HMCN1: variants seen among roughly 807,000 people sequenced by gnomAD.
HMCN1 encodes the protein hemicentin-1.
In HMCN1, 321 loss-of-function variants were observed where a neutral mutation model predicts 625.9. That is an observed-to-expected ratio of 0.51 (90% confidence interval 0.47 to 0.56). HMCN1 has a LOEUF of 0.56. HMCN1 is among the 20% of genes least tolerant of loss of function. The probability of loss-of-function intolerance (pLI) is 0.00; values close to 1 mark genes in which losing one functional copy is unlikely to be tolerated. For missense variants in HMCN1, 6,588 were observed against 6,887.3 expected (o/e 0.96, Z 1.54); for synonymous variants, 2,425 against 2,417.6 (o/e 1.00, Z -0.09).
intron 97 of HMCN1, among the ~76,000 whole-genome samples, chr1:186,161,657 T>TTTTA (rs919900173): frequency 6.6e-6 from 1 of 152,080 alleles, no homozygotes; most frequent in African/African-American, 2.4e-5. Context: ...CTGTAAAGTG[T>TTTTA]TTTATTTCTC....
intron 4 of HMCN1, among the ~76,000 whole-genome samples, chr1:185,870,024 T>A (rs1413827271): frequency 3.3e-5 from 5 of 150,962 alleles, no homozygotes; most frequent in Non-Finnish European, 5.9e-5. Flanking sequence ...GCGTTCTGTT[T>A]TTTTTTTTTT....
chr1:185,802,873 T>A (rs1261784293), intron 1 of HMCN1, among the ~76,000 whole-genome samples: 1 of 152,020 alleles, frequency 6.6e-6, no homozygotes, highest in Non-Finnish European at 1.5e-5. Flanking sequence ...TGAAAGAGAA[T>A]AAGGGGAACA....
chr1:185,979,383 GAAAC>G (rs547225360), intron 16 of HMCN1, among the ~76,000 whole-genome samples: 2 of 152,098 alleles, frequency 1.3e-5, no homozygotes, highest in African/African-American at 2.4e-5. Flanking sequence ...GTGATGATGA[GAAAC>G]AACCCAGATG....
chr1:185,813,546 A>T (rs914590920), intron 1 of HMCN1, among the ~76,000 whole-genome samples: 1 of 152,186 alleles, frequency 6.6e-6, no homozygotes, highest in African/African-American at 2.4e-5. Flanking sequence ...AAAGGTATAT[A>T]TAATATATGG....
intron 1 of HMCN1, 123 bp downstream of exon 1, chr1:185,735,170 T>C: frequency 9.0e-7 from 1 of 1,107,740 alleles, no homozygotes; most frequent in East Asian, 2.4e-5. Context: ...CAGCTGAAAA[T>C]AGTTGTAACA....
Position 185,734,887 on chromosome 1 carries a change from C to T in HMCN1, c.108C>T (p.Pro36=). 1 of 1,614,116 alleles carries T rather than the reference C, an allele frequency of 6.2e-7. No individual in the cohort carries two copies. Among genetic ancestry groups the T allele is most frequent in the Non-Finnish European group, 8.5e-7 (1 of 1,180,008 alleles). The change falls in exon 1 of 107, where the codon CCC becomes CCT. Residue 36 remains proline, a synonymous_variant. Coordinates refer to ENST00000271588, the MANE Select transcript of HMCN1 (RefSeq NM_031935.3). The part of the protein sequence containing the change: ...PQSEIRAEEI[P]EGASTLAFVF... ...CAGAGATCAGAGCTGAGGAAATTCC[C>T]GAGGGGGCCTCCACGTTGGCTTTTG...
At chr1:186,182,873 C>G (rs1332356758) in intron 105 of HMCN1, among the ~76,000 whole-genome samples, 1 of 152,082 alleles carries the variant, frequency 6.6e-6, no homozygotes, top group Non-Finnish European at 1.5e-5. Flanking sequence ...CAAAATATAG[C>G]TCATTGGTTT....
intron 38 of HMCN1, among the ~76,000 whole-genome samples, chr1:186,039,301 A>G (rs936045320): frequency 2.0e-5 from 3 of 152,160 alleles, no homozygotes; most frequent in African/African-American, 7.2e-5. Flanking sequence ...AATCATAGGT[A>G]TTAACGAAAT....
At chr1:186,093,021 T>G in intron 64 of HMCN1, 113 bp from the exon 65 acceptor site, 1 of 1,398,176 alleles carries the variant, frequency 7.2e-7, no homozygotes, top group East Asian at 2.3e-5. Flanking sequence ...AGAATTTCAG[T>G]TGGTTGCTTG....
chr1:185,893,932 C>G (rs528327095), intron 4 of HMCN1, among the ~76,000 whole-genome samples: 1 of 152,164 alleles, frequency 6.6e-6, no homozygotes, highest in Admixed American at 6.5e-5. Flanking sequence ...ATACTGTCTT[C>G]TGGTCACATG....
chr1:186,144,486 T>C, intron 90 of HMCN1, 47 bp from the exon 91 acceptor site: 1 of 1,613,512 alleles, frequency 6.2e-7, no homozygotes, highest in Non-Finnish European at 8.5e-7. Flanking sequence ...TGTAACACGA[T>C]GGTTCCTAGG....
In HMCN1 at chr1:186,118,931, T is replaced by C. The variant is rs142751121; in HGVS notation, c.11849-260T>C. Reference sequence around the variant, plus strand: ...ATATTCTAAAATTAGATTGTGGTGATGTTTGCATAACTCTAAGTATACTAA... The same window carrying C: ...ATATTCTAAAATTAGATTGTGGTGACGTTTGCATAACTCTAAGTATACTAA... On this transcript the variant is annotated intron_variant, in intron 77 of 106. Coordinates refer to ENST00000271588, the MANE Select transcript of HMCN1 (RefSeq NM_031935.3). Among the ~76,000 whole-genome samples, 137 of 152,338 alleles carry C rather than the reference T, an allele frequency of 9.0e-4. 4 individuals carry two copies. In the East Asian group the frequency reaches 0.022, roughly 24 times the overall value.
At chr1:186,151,845 T>A in intron 95 of HMCN1, 102 bp downstream of exon 95, 1 of 1,239,692 alleles carries the variant, frequency 8.1e-7, no homozygotes, top group Non-Finnish European at 1.2e-6. Flanking sequence ...TTTGAAACTT[T>A]TTACGCAATC....
intron 22 of HMCN1, among the ~76,000 whole-genome samples, chr1:185,992,896 T>TTTA (rs1652526901): frequency 6.6e-6 from 1 of 152,146 alleles, no homozygotes; most frequent in East Asian, 1.9e-4. Context: ...CAAAGTTAAC[T>TTTA]CAAATATACA....
intron 97 of HMCN1, among the ~76,000 whole-genome samples, chr1:186,160,387 AT>A (rs1159875568): frequency 6.8e-6 from 1 of 147,300 alleles, no homozygotes. Flanking sequence ...GGATTCATTA[AT>A]TTTTTGAAGG....
intron 36 of HMCN1, among the ~76,000 whole-genome samples, chr1:186,028,725 A>AT (rs11415987): frequency 0.56 from 76,395 of 137,642 alleles, 21,293 homozygotes; most frequent in Admixed American, 0.61. Context: ...TCTAAAGCAT[A>AT]TTTTTTTTTT....
At chr1:186,029,605 A>G (rs1018984416) in intron 36 of HMCN1, among the ~76,000 whole-genome samples, 1 of 150,868 alleles carries the variant, frequency 6.6e-6, no homozygotes, top group Non-Finnish European at 1.5e-5. Flanking sequence ...TGTAGTAATT[A>G]GATCTTCTCG....
At chr1:185,963,325 T>C (rs914095125) in intron 12 of HMCN1, among the ~76,000 whole-genome samples, 2 of 152,136 alleles carry the variant, frequency 1.3e-5, no homozygotes, top group African/African-American at 4.8e-5. Context: ...CTGTGTGACA[T>C]GAGACATTAC....
intron 85 of HMCN1, among the ~76,000 whole-genome samples, chr1:186,131,892 A>C (rs1661955360): frequency 6.6e-6 from 1 of 152,166 alleles, no homozygotes; most frequent in African/African-American, 2.4e-5. Context: ...GGTCCAGCTG[A>C]ATGTAGTTTT....
Sources: allele counts gnomAD v4.1 joint callset (sites outside exome capture counted in the v4.1 genomes callset), GRCh38; gene constraint gnomAD v4.1.1; transcripts MANE v1.5; gene names NCBI Gene and HGNC (gene_info 2026-07-23, HGNC 2026-07-21).